Variants in INCENP observed in about 807,000 individuals in gnomAD.
The protein encoded by INCENP is inner centromere protein, also known as binds and activates aurora-B and -C in vivo and in vitro.
A neutral mutation model predicts 107.3 loss-of-function variants in INCENP; 43 were observed. The ratio of observed to expected loss-of-function variants is 0.40; its 90% CI spans 0.31 to 0.52. INCENP has a LOEUF of 0.52. Among genes scored for constraint, INCENP ranks in the 20% least tolerant of loss-of-function variants. The pLI is 0.53. For missense variants in INCENP, 1,089 were observed against 1,250.9 expected (o/e 0.87, Z 1.95); for synonymous variants, 488 against 494.4 (o/e 0.99, Z 0.17).
rs776834134 is a variant in INCENP, at chr11:62,138,734, C to G, written c.1137C>G (p.Pro379=). ...TCAGTTCTGAGCAGAAGGAACCCCC[C>G]GAGGAGGCTGAGCCTGTGGCGGCAG... The part of the protein sequence containing the change: ...QKVGSEQKEP[P]EEAEPVAAAE... The change falls in exon 6 of 19, where the codon CCC becomes CCG. Residue 379 remains proline, a synonymous_variant. Transcript: ENST00000394818. 6.2e-7 allele frequency: 1 copy of G among 1,614,132 alleles called. No individual in the cohort carries two copies. The highest frequency in any genetic ancestry group is 2.2e-5 in the East Asian group (1 of 44,880).
intron 14 of INCENP, among the ~76,000 whole-genome samples, 158 bp from the exon 15 acceptor site, chr11:62,146,500 T>C (rs1468375619): frequency 6.6e-6 from 1 of 152,258 alleles, no homozygotes; most frequent in African/African-American, 2.4e-5. Context: ...CTGGTGGTTC[T>C]GGCAGAGCCT....
At chr11:62,125,807 G>A (rs1225980401) in intron 1 of INCENP, among the ~76,000 whole-genome samples, 1 of 152,242 alleles carries the variant, frequency 6.6e-6, no homozygotes, top group African/African-American at 2.4e-5. Context: ...CGATGAGCAA[G>A]ACAGACAGGG....
At chr11:62,148,374 G>T (rs188134554) in intron 15 of INCENP, 102 bp from the exon 16 acceptor site, 2 of 1,054,650 alleles carry the variant, frequency 1.9e-6, no homozygotes, top group Non-Finnish European at 2.8e-6. Context: ...ACTTTCTAAG[G>T]TGTGTCCTAC....
At chr11:62,138,353 C>T (rs1944035700) in intron 5 of INCENP, among the ~76,000 whole-genome samples, 1 of 152,216 alleles carries the variant, frequency 6.6e-6, no homozygotes, top group African/African-American at 2.4e-5. Flanking sequence ...ACAGGGCAGA[C>T]CTGCTGGCCT....
At chr11:62,145,483 G>A in intron 13 of INCENP, 146 bp from the exon 14 acceptor site, 1 of 1,306,446 alleles carries the variant, frequency 7.7e-7, no homozygotes, top group Non-Finnish European at 1.0e-6. Context: ...ACTCAGGCAG[G>A]ACCGGCTTCT....
intron 15 of INCENP, among the ~76,000 whole-genome samples, chr11:62,147,324 C>G (rs1187935392): frequency 6.6e-6 from 1 of 152,198 alleles, no homozygotes; most frequent in East Asian, 1.9e-4. Flanking sequence ...CTCAGATTAC[C>G]CCCTACCGAT....
rs374831508 is a variant in INCENP, at chr11:62,141,504, G to A, written c.1598G>A (p.Ser533Asn). 1.9e-6 allele frequency: 3 copies of A among 1,614,040 alleles called. No homozygotes were observed. Among genetic ancestry groups the A allele is most frequent in the Non-Finnish European group, 2.5e-6 (3 of 1,179,886 alleles). The change falls in exon 11 of 19, where the codon AGC becomes AAC. Residue 533 changes from serine (S) to asparagine (N), a missense_variant. By Grantham distance (46) the Ser-to-Asn change is conservative (BLOSUM62 1). Coordinates refer to ENST00000394818, the MANE Select transcript of INCENP (RefSeq NM_001040694.2). ...TTTCCCTTGTCTCCTCCACAGTGCA[G>A]CTTCGTCGTAAGTAAAGCCTTTTCC... is the stretch of plus-strand genomic sequence containing the variant. The part of the protein sequence containing the change: ...NTPLRMDPKC[S>N]FVEKERQRLE...
At chr11:62,134,599 A>G (rs1943953348) in intron 4 of INCENP, among the ~76,000 whole-genome samples, 1 of 152,204 alleles carries the variant, frequency 6.6e-6, no homozygotes, top group Non-Finnish European at 1.5e-5. Flanking sequence ...TCACCTGTTT[A>G]CATTAAGACT....
At chr11:62,128,708 G>A in intron 2 of INCENP, 62 bp from the exon 3 acceptor site, 1 of 1,172,456 alleles carries the variant, frequency 8.5e-7, no homozygotes, top group South Asian at 1.2e-5. Flanking sequence ...GCCAGGCTGG[G>A]TGGGAGAGGG....
intron 4 of INCENP, among the ~76,000 whole-genome samples, chr11:62,137,536 G>A (rs867337276): frequency 6.6e-6 from 1 of 152,196 alleles, no homozygotes. Context: ...GCCTGGAGCT[G>A]CAGCAAACAT....
At chr11:62,135,770 C>T (rs971600932) in intron 4 of INCENP, among the ~76,000 whole-genome samples, 14 of 152,236 alleles carry the variant, frequency 9.2e-5, no homozygotes, top group Non-Finnish European at 1.8e-4. Context: ...GTGGTGGATA[C>T]GCGCTTTTCA....
chr11:62,151,751 G>T lies in INCENP; in HGVS notation c.2543-11G>T. 6.2e-7 allele frequency: 1 copy of T among 1,612,676 alleles called. No individual in the cohort carries two copies. The highest frequency in any genetic ancestry group is 8.5e-7 in the Non-Finnish European group (1 of 1,179,042). ...GCCCCAAGGCAGTGTCTGGTCTGTGGTCTCCTGCAGGCACCCCGCTCAGCC... is the reference window on the plus strand; with the variant it reads ...GCCCCAAGGCAGTGTCTGGTCTGTGTTCTCCTGCAGGCACCCCGCTCAGCC... On this transcript the variant is annotated splice_polypyrimidine_tract_variant and intron_variant, in intron 18 of 18. Transcript: ENST00000394818.
intron 11 of INCENP, among the ~76,000 whole-genome samples, chr11:62,141,981 G>A (rs964038826): frequency 6.6e-6 from 1 of 152,210 alleles, no homozygotes; most frequent in African/African-American, 2.4e-5. Context: ...AGGTGGAAGT[G>A]CTGGGTCTTG....
chr11:62,150,924 T>C (rs1292017350), intron 18 of INCENP, among the ~76,000 whole-genome samples: 1 of 152,188 alleles, frequency 6.6e-6, no homozygotes, highest in Non-Finnish European at 1.5e-5. Flanking sequence ...ATCCCATAGC[T>C]GGTAGGCACA....
chr11:62,144,903 G>C (rs1451052353), intron 11 of INCENP, 79 bp from the exon 12 acceptor site: 5 of 1,295,290 alleles, frequency 3.9e-6, no homozygotes, highest in Non-Finnish European at 5.5e-6. Context: ...AGGCTGCTGG[G>C]GACTGTGGGC....
In INCENP at chr11:62,141,515, A is replaced by C; in HGVS notation, c.1605+4A>C. On this transcript the variant is annotated splice_donor_region_variant and intron_variant, in intron 11 of 18. Coordinates refer to ENST00000394818, the MANE Select transcript of INCENP (RefSeq NM_001040694.2). Reference sequence around the variant, plus strand: ...TCCTCCACAGTGCAGCTTCGTCGTAAGTAAAGCCTTTTCCTGTCGGTAACC... The same window carrying C: ...TCCTCCACAGTGCAGCTTCGTCGTACGTAAAGCCTTTTCCTGTCGGTAACC... The C allele has an allele frequency of 1.2e-6, 2 of 1,614,020 alleles. No homozygotes were observed. The highest frequency in any genetic ancestry group is 1.7e-6 in the Non-Finnish European group (2 of 1,179,884).
At chr11:62,151,224 G>C (rs531477407) in intron 18 of INCENP, among the ~76,000 whole-genome samples, 1 of 152,332 alleles carries the variant, frequency 6.6e-6, no homozygotes, top group South Asian at 2.1e-4. Flanking sequence ...CTGAGCAAGT[G>C]CTGGTGCATG....
At chr11:62,138,453 T>TCA (rs1269259185) in intron 5 of INCENP, among the ~76,000 whole-genome samples, 1 of 152,196 alleles carries the variant, frequency 6.6e-6, no homozygotes, top group Non-Finnish European at 1.5e-5. Context: ...AGGACAGGGC[T>TCA]CACATCCTGA....
chr11:62,145,843 G>T (rs910479819), intron 14 of INCENP, 92 bp downstream of exon 14: 44 of 1,421,582 alleles, frequency 3.1e-5, no homozygotes, highest in Admixed American at 1.3e-4. Flanking sequence ...CCACCTTGTG[G>T]GGTTGACCCA....
Sources: gnomAD v4.1 joint callset for allele counts (sites outside exome capture counted in the v4.1 genomes callset) on GRCh38, gnomAD v4.1.1 for gene constraint, MANE v1.5 for transcripts, NCBI Gene and HGNC (gene_info 2026-07-23, HGNC 2026-07-21) for gene names.